The following ASIC2 variants were observed in gnomAD, a reference collection of about 807,000 sequenced individuals.
ASIC2 encodes acid-sensing ion channel 2.
Under a neutral mutation model 57.3 loss-of-function variants are expected in ASIC2, and 25 were observed. The observed-to-expected ratio is 0.44, with a 90% CI of 0.32 to 0.61. ASIC2 has a LOEUF of 0.61. ASIC2 is among the 20% of genes least tolerant of loss of function. The pLI is 0.06. For synonymous variants in ASIC2, 319 were observed against 307.5 expected, an observed-to-expected ratio of 1.04 and a Z score of -0.39; for missense variants, 641 against 738.1, an observed-to-expected ratio of 0.87 and a Z score of 1.52.
At chr17:33,660,361 T>C (rs186075817) in intron 1 of ASIC2, among the ~76,000 whole-genome samples, 8 of 152,308 alleles carry the variant, frequency 5.3e-5, no homozygotes, top group Non-Finnish European at 1.2e-4. Flanking sequence ...AAAAAATGAC[T>C]CTTGTAGTAG....
At chr17:34,006,740 A>T (rs1597970907) in intron 1 of ASIC2, 1 of 152,314 alleles carries the variant, frequency 6.6e-6, no homozygotes, top group East Asian at 1.9e-4. Context: ...AAAACCCGAA[A>T]TATCAAAAGG....
chr17:33,364,392 C>T (rs1318102096), intron 1 of ASIC2, among the ~76,000 whole-genome samples: 1 of 152,150 alleles, frequency 6.6e-6, no homozygotes, highest in African/African-American at 2.4e-5. Flanking sequence ...TCTGACTCCA[C>T]TAATTTTTCT....
chr17:33,172,913 C>G (rs1044177029), intron 1 of ASIC2, among the ~76,000 whole-genome samples: 1 of 152,192 alleles, frequency 6.6e-6, no homozygotes, highest in Non-Finnish European at 1.5e-5. Context: ...GAAGGAATGT[C>G]AGCTTTGGAG....
intron 1 of ASIC2, among the ~76,000 whole-genome samples, chr17:33,942,937 C>T (rs970402160): frequency 6.6e-6 from 1 of 152,170 alleles, no homozygotes; most frequent in Admixed American, 6.5e-5. Flanking sequence ...CAGAAGCATT[C>T]GTCCTTCCCA....
intron 1 of ASIC2, among the ~76,000 whole-genome samples, chr17:33,902,794 C>T (rs1915260046): frequency 6.6e-6 from 1 of 152,182 alleles, no homozygotes; most frequent in African/African-American, 2.4e-5. Flanking sequence ...CCCAATTCTT[C>T]AAGAAGAGTA....
intron 1 of ASIC2, among the ~76,000 whole-genome samples, chr17:33,283,767 T>A (rs974060860): frequency 2.0e-5 from 3 of 152,138 alleles, no homozygotes; most frequent in South Asian, 2.1e-4. Context: ...GTAATCAGCA[T>A]CCTCCATTGC....
At chr17:33,442,356 T>C (rs1911856161) in intron 1 of ASIC2, among the ~76,000 whole-genome samples, 1 of 152,216 alleles carries the variant, frequency 6.6e-6, no homozygotes, top group South Asian at 2.1e-4. Context: ...AATTTATAGA[T>C]CTATTTGGAG....
At chr17:33,972,880 T>C (rs956342629) in intron 1 of ASIC2, among the ~76,000 whole-genome samples, 1 of 152,182 alleles carries the variant, frequency 6.6e-6, no homozygotes, top group Non-Finnish European at 1.5e-5. Context: ...AGACTGCAAA[T>C]GCAGACAAAC....
chr17:33,561,946 G>A (rs1359154811), intron 1 of ASIC2, among the ~76,000 whole-genome samples: 1 of 152,204 alleles, frequency 6.6e-6, no homozygotes, highest in African/African-American at 2.4e-5. Context: ...TTGGATTTGA[G>A]TATTCACATT....
chr17:33,430,141 C>T (rs1407220913), intron 1 of ASIC2, among the ~76,000 whole-genome samples: 1 of 152,198 alleles, frequency 6.6e-6, no homozygotes, highest in Non-Finnish European at 1.5e-5. Context: ...CCTGGCTCCT[C>T]GCTGGTCTTG....
chr17:33,574,220 T>A (rs1293647388), intron 1 of ASIC2, among the ~76,000 whole-genome samples: 1 of 152,210 alleles, frequency 6.6e-6, no homozygotes, highest in Non-Finnish European at 1.5e-5. Flanking sequence ...ACTCTCAGAT[T>A]TTTTCATTCC....
At chr17:33,142,143 C>T (rs943075333) in intron 1 of ASIC2, among the ~76,000 whole-genome samples, 1 of 152,158 alleles carries the variant, frequency 6.6e-6, no homozygotes, top group Non-Finnish European at 1.5e-5. Context: ...ATTCTGAGAG[C>T]TCCATACATA....
At chr17:33,471,015 C>T (rs1359868794) in intron 1 of ASIC2, among the ~76,000 whole-genome samples, 1 of 152,172 alleles carries the variant, frequency 6.6e-6, no homozygotes, top group Non-Finnish European at 1.5e-5. Flanking sequence ...ACAAATCCAC[C>T]TGTGCTCAGC....
At chr17:33,118,980 A>G (rs4239238) in intron 1 of ASIC2, among the ~76,000 whole-genome samples, 98,070 of 151,874 alleles carry the variant, frequency 0.65, 32,178 homozygotes, top group African/African-American at 0.75. Flanking sequence ...TGGAGCCCTT[A>G]CTGAGAGGAG....
intron 1 of ASIC2, among the ~76,000 whole-genome samples, chr17:33,204,634 TC>T (rs1302021016): frequency 6.6e-6 from 1 of 152,194 alleles, no homozygotes; most frequent in Admixed American, 6.5e-5. Context: ...CATTTCATCC[TC>T]CAGCCAAGTT....
intron 1 of ASIC2, among the ~76,000 whole-genome samples, chr17:33,334,880 A>G (rs553739544): frequency 1.2e-4 from 18 of 152,370 alleles, no homozygotes; most frequent in African/African-American, 4.3e-4. Context: ...GCAAGCTGCA[A>G]ACGTGCAAGC....
At chr17:33,627,322 C>G (rs1748983245) in intron 1 of ASIC2, 1 of 152,268 alleles carries the variant, frequency 6.6e-6, no homozygotes, top group Admixed American at 6.5e-5. Context: ...TATCCCAAAT[C>G]CAGTGCTAAA....
intron 1 of ASIC2, among the ~76,000 whole-genome samples, chr17:33,890,303 G>A (rs1914930984): frequency 6.6e-6 from 1 of 152,152 alleles, no homozygotes; most frequent in Non-Finnish European, 1.5e-5. Context: ...TGGCTCCCAT[G>A]TTGACTGTAT....
intron 1 of ASIC2, chr17:34,155,713 T>G: frequency 2.2e-6 from 1 of 458,548 alleles, no homozygotes; most frequent in Non-Finnish European, 3.9e-6. Context: ...GGAAGCCAAC[T>G]GAGCACGTCT....
Sources: allele counts gnomAD v4.1 joint callset (sites outside exome capture counted in the v4.1 genomes callset), GRCh38; gene constraint gnomAD v4.1.1; transcripts MANE v1.5; gene names NCBI Gene and HGNC (gene_info 2026-07-23, HGNC 2026-07-21).